GCDH: variants seen among roughly 807,000 people sequenced by gnomAD.
GCDH encodes the protein glutaryl-CoA dehydrogenase, mitochondrial.
A neutral mutation model predicts 52.8 loss-of-function variants in GCDH; 31 were observed. The ratio of observed to expected loss-of-function variants is 0.59; its 90% CI spans 0.44 to 0.79. The LOEUF is 0.79. GCDH is among the 30% of genes least tolerant of loss of function. The pLI is 0.00. For synonymous variants in GCDH, 242 were observed against 250.0 expected (o/e 0.97, Z 0.30); for missense variants, 509 against 595.0 (o/e 0.86, Z 1.50).
Position 12,899,893 on chromosome 19 carries a change from T to C in GCDH, c.*352T>C. 8 of 919,946 alleles carry C rather than the reference T, an allele frequency of 8.7e-6. No homozygotes were observed. The highest frequency in any genetic ancestry group is 1.7e-5 in the African/African-American group (1 of 59,142). The allele number at this position is 919,946 out of a possible 1,614,324, so 57.0% of individuals were successfully genotyped here. A position where few individuals can be genotyped will look rare whatever the true frequency, so the allele number is the denominator to read the frequency against. On this transcript the variant is annotated 3_prime_UTR_variant, in exon 12 of 12. Coordinates refer to ENST00000222214, the MANE Select transcript of GCDH (RefSeq NM_000159.4). ...GAGTTCACAGTGCGCCCTCCCTCCC[T>C]CCCATCTGGGGGTAGTGCCTTATGC...
chr19:12,892,233 C>T (rs909267694), intron 5 of GCDH, 55 bp downstream of exon 5: 52 of 1,365,856 alleles, frequency 3.8e-5, no homozygotes, highest in Non-Finnish European at 4.6e-5. Context: ...CTGAAAGCCT[C>T]TTCCTCCTTC....
chr19:12,894,752 G>A, intron 6 of GCDH: 1 of 830,128 alleles, frequency 1.2e-6, no homozygotes, highest in Non-Finnish European at 1.9e-6. Flanking sequence ...AGAAGAGGCT[G>A]CAGAATATGC....
chr19:12,899,961 C>A lies in GCDH; in HGVS notation c.*420C>A. The A allele has an allele frequency of 6.2e-7, 1 of 1,612,086 alleles. No individual in the cohort carries two copies. The highest frequency in any genetic ancestry group is 8.5e-7 in the Non-Finnish European group (1 of 1,179,716). The stretch of plus-strand genomic sequence containing the variant: ...TGAGGGAGAGGAAAATAAAGACCTG[C>A]ACATCTGACCCCAAGGTGTCAGGCC... On this transcript the variant is annotated 3_prime_UTR_variant, in exon 12 of 12. Coordinates refer to ENST00000222214, the MANE Select transcript of GCDH (RefSeq NM_000159.4).
In GCDH at chr19:12,893,624, A is replaced by C. The variant is rs1396121393; in HGVS notation, c.476A>C (p.Glu159Ala). 1.2e-6 allele frequency: 2 copies of C among 1,614,044 alleles called. No individual in the cohort carries two copies. Among genetic ancestry groups the C allele is most frequent in the Non-Finnish European group, 1.7e-6 (2 of 1,180,002 alleles). The change falls in exon 6 of 12, where the codon GAA (glutamate) becomes GCA (alanine). Residue 159 changes from glutamate to alanine, a missense_variant. Coordinates refer to ENST00000222214, the MANE Select transcript of GCDH (RefSeq NM_000159.4). Reference sequence around the variant, plus strand: ...CCTATCTATGCCTATGGCAGCGAGGAACAGCGGCAGAAGTACCTGCCCCAG... The same window carrying C: ...CCTATCTATGCCTATGGCAGCGAGGCACAGCGGCAGAAGTACCTGCCCCAG... ...MHPIYAYGSE[E>A]QRQKYLPQLA...
At chr19:12,899,282 G>C in intron 11 of GCDH, 186 bp from the exon 12 acceptor site, 1 of 1,437,294 alleles carries the variant, frequency 7.0e-7, no homozygotes, top group Non-Finnish European at 9.8e-7. Context: ...TGGCCCAAAT[G>C]GTGGCCTCAC....
At chr19:12,899,155 G>A in intron 11 of GCDH, 1 of 610,504 alleles carries the variant, frequency 1.6e-6, no homozygotes. Flanking sequence ...CACGAAGCCT[G>A]GGCCTATGGC....
At position 12,893,480 on chromosome 19, in the gene GCDH, C is replaced by A; in HGVS notation, c.335-3C>A. 1 of 1,613,618 alleles carries A rather than the reference C, an allele frequency of 6.2e-7. No individual in the cohort carries two copies. Among genetic ancestry groups the A allele is most frequent in the Non-Finnish European group, 8.5e-7 (1 of 1,179,496 alleles). On this transcript the variant is annotated splice_polypyrimidine_tract_variant and splice_region_variant and intron_variant, in intron 5 of 11. Transcript: ENST00000222214. ...TCCTGCTTTCCCCTCCTACTACCAC[C>A]AGGATATGGCTGTGCTGGGGTTTCG...
chr19:12,897,545 G>T, intron 10 of GCDH, 117 bp downstream of exon 10: 1 of 1,435,920 alleles, frequency 7.0e-7, no homozygotes, highest in Non-Finnish European at 9.8e-7. Context: ...ACCTTCTGCT[G>T]TCCCTCTTGT....
chr19:12,898,213 AAGCTACACGC>A (rs929482476), intron 11 of GCDH: 30 of 373,684 alleles, frequency 8.0e-5, no homozygotes, highest in Admixed American at 1.6e-4. Context: ...GGAGTGAGCG[AAGCTACACGC>A]AGGAATCAAC....
intron 11 of GCDH, chr19:12,898,968 C>T: frequency 3.5e-6 from 1 of 289,118 alleles, no homozygotes; most frequent in Non-Finnish European, 6.7e-6. Flanking sequence ...CAAGTGACTG[C>T]TCTTCCGATG....
chr19:12,893,531 G>T lies in GCDH; in HGVS notation c.383G>T (p.Arg128Leu), dbSNP rs755586631. 1.2e-6 allele frequency: 2 copies of T among 1,613,856 alleles called. No homozygotes were observed. The highest frequency in any genetic ancestry group is 2.2e-5 in the South Asian group (2 of 91,080). ...TCTGTGGCCTATGGGCTCCTGGCCC[G>T]AGAGCTGGAGCGGGTGGACAGTGGC... The part of the protein sequence containing the change: ...VSSVAYGLLA[R>L]ELERVDSGYR... The change falls in exon 6 of 12, where the codon CGA becomes CTA. Residue 128 changes from arginine to leucine, a missense_variant. By Grantham distance (102) the Arg-to-Leu change is moderately radical (BLOSUM62 -2). Transcript: ENST00000222214.
rs1463799187 is a variant in GCDH at position 12,896,877 on chromosome 19, G to A, written c.853-33G>A. 1 of 1,491,026 alleles carries A rather than the reference G, an allele frequency of 6.7e-7. No homozygotes were observed. Among genetic ancestry groups the A allele is most frequent in the Non-Finnish European group, 9.4e-7 (1 of 1,069,382 alleles). 92.4% of individuals were successfully genotyped at this position (1,491,026 alleles called of 1,614,324 possible). A position where few individuals can be genotyped will look rare whatever the true frequency, so the allele number is the denominator to read the frequency against. On this transcript the variant is annotated intron_variant, in intron 8 of 11. Transcript: ENST00000222214. The surrounding 1 kb of genome is among the most constrained non-coding windows in gnomAD (Gnocchi z 5.5). ...TGCATAGGCCCTCTTGGTGTCTCTT[G>A]GGTGGGCCTGAGGCGCCATCTCAAC... is the stretch of plus-strand genomic sequence containing the variant.
intron 6 of GCDH, chr19:12,894,623 A>G: frequency 1.4e-6 from 1 of 707,610 alleles, no homozygotes; most frequent in South Asian, 1.8e-5. Flanking sequence ...GCCCTTAAAC[A>G]AAGAAGGTAA....
intron 9 of GCDH, 57 bp downstream of exon 9, chr19:12,897,070 C>A: frequency 7.1e-7 from 1 of 1,415,808 alleles, no homozygotes; most frequent in East Asian, 2.3e-5. Flanking sequence ...GGGTTTCACT[C>A]TCTATACCAT....
Position 12,891,752 on chromosome 19 carries a change from G to T in GCDH, c.128-79G>T, listed in dbSNP as rs76650855. On this transcript the variant is annotated intron_variant, in intron 3 of 11. Transcript: ENST00000222214. ...AGCCGGGGGGCGACATGGGTGTTGGGGGGTAGGGCTGATGAGGGTCCGAGA... is the reference window on the plus strand; with the variant it reads ...AGCCGGGGGGCGACATGGGTGTTGGTGGGTAGGGCTGATGAGGGTCCGAGA... 9.6e-3 allele frequency: 15,429 copies of T among 1,608,772 alleles called. 1,337 individuals are homozygous for T. The African/African-American group carries it at 0.18, about 19-fold the overall frequency.
chr19:12,892,731 C>T (rs751985828), intron 5 of GCDH, among the ~76,000 whole-genome samples: 5 of 145,330 alleles, frequency 3.4e-5, no homozygotes, highest in African/African-American at 7.7e-5. Context: ...TACAGGCGTC[C>T]GCCACCACGC....
chr19:12,893,530 C>T lies in GCDH; in HGVS notation c.382C>T (p.Arg128Ter), dbSNP rs752334462. The change falls in exon 6 of 12, where the codon CGA becomes TGA. Residue 128 changes from arginine (R) to a stop codon, truncating the protein, a stop_gained. Coordinates refer to ENST00000222214, the MANE Select transcript of GCDH (RefSeq NM_000159.4). LOFTEE classifies it high-confidence loss of function. The part of the protein sequence containing the change: ...VSSVAYGLLA[R>*]ELERVDSGYR... ...GTCTGTGGCCTATGGGCTCCTGGCC[C>T]GAGAGCTGGAGCGGGTGGACAGTGG... The T allele has an allele frequency of 3.1e-6, 5 of 1,613,758 alleles. No individual in the cohort carries two copies. The highest frequency in any genetic ancestry group is 1.7e-5 in the Admixed American group (1 of 59,978).
At chr19:12,891,614 C>T (rs1455601827) in intron 3 of GCDH, 92 bp downstream of exon 3, 1 of 1,612,036 alleles carries the variant, frequency 6.2e-7, no homozygotes, top group African/African-American at 1.3e-5. Context: ...CGAGAGCTGC[C>T]CGAGCGGGGT....
chr19:12,899,441 A>G (rs773341347), intron 11 of GCDH, 27 bp from the exon 12 acceptor site: 2 of 1,614,170 alleles, frequency 1.2e-6, no homozygotes, highest in Non-Finnish European at 1.7e-6. Context: ...GAAAACTCCA[A>G]ACCGACTCTG....
Sources: gnomAD v4.1 joint callset for allele counts (sites outside exome capture counted in the v4.1 genomes callset) on GRCh38, gnomAD v4.1.1 for gene constraint, Gnocchi (gnomAD v3.1) non-coding constraint, MANE v1.5 for transcripts, NCBI Gene and HGNC (gene_info 2026-07-23, HGNC 2026-07-21) for gene names.